The following FAM171A1 variants were observed in gnomAD, a reference collection of about 807,000 sequenced individuals.
The protein encoded by FAM171A1 is family with sequence similarity 171 member A1, also known as protein FAM171A1.
A neutral mutation model predicts 74.9 loss-of-function variants in FAM171A1; 23 were observed. That is an observed-to-expected ratio of 0.31 (90% CI 0.22 to 0.44). FAM171A1 has a LOEUF of 0.44. Among genes scored for constraint, FAM171A1 ranks in the 20% least tolerant of loss-of-function variants. The probability of loss-of-function intolerance (pLI) is 1.00; values close to 1 mark genes in which losing one functional copy is unlikely to be tolerated. For synonymous variants in FAM171A1, 527 were observed against 505.7 expected (o/e 1.04, Z -0.57); for missense variants, 1,162 against 1,159.2 (o/e 1.00, Z -0.03).
intron 1 of FAM171A1, among the ~76,000 whole-genome samples, chr10:15,339,801 TATAAAG>T (rs1331556670): frequency 2.6e-5 from 4 of 151,982 alleles, no homozygotes; most frequent in Non-Finnish European, 5.9e-5. Flanking sequence ...CTGGGTAATT[TATAAAG>T]AAAAAGAGGC....
At chr10:15,230,768 A>C (rs1456452944) in intron 5 of FAM171A1, among the ~76,000 whole-genome samples, 3 of 152,232 alleles carry the variant, frequency 2.0e-5, no homozygotes, top group African/African-American at 7.2e-5. Context: ...CCTTAAATAG[A>C]TAGCTAGACG....
At chr10:15,359,538 A>C (rs11599661) in intron 1 of FAM171A1, among the ~76,000 whole-genome samples, 61,699 of 151,928 alleles carry the variant, frequency 0.41, 12,692 homozygotes, top group Non-Finnish European at 0.46. Context: ...CATCCTCGAC[A>C]TTTTAGCTGG....
intron 5 of FAM171A1, among the ~76,000 whole-genome samples, chr10:15,242,503 T>G (rs574038126): frequency 4.5e-4 from 68 of 152,350 alleles, no homozygotes; most frequent in African/African-American, 1.5e-3. Context: ...AAAGACCATT[T>G]CGGCCGGGCG....
chr10:15,263,058 A>G (rs1209995036), intron 3 of FAM171A1, among the ~76,000 whole-genome samples: 1 of 152,226 alleles, frequency 6.6e-6, no homozygotes, highest in Non-Finnish European at 1.5e-5. Flanking sequence ...GAACAGGAAA[A>G]GGACCATCTG....
intron 1 of FAM171A1, among the ~76,000 whole-genome samples, chr10:15,285,413 T>G (rs1835023845): frequency 1.3e-5 from 2 of 152,150 alleles, no homozygotes; most frequent in Non-Finnish European, 2.9e-5. Context: ...CAAATTTATG[T>G]TACAGAAACA....
chr10:15,254,266 C>T (rs1003795037), intron 4 of FAM171A1, among the ~76,000 whole-genome samples: 11 of 152,152 alleles, frequency 7.2e-5, no homozygotes, highest in Non-Finnish European at 5.9e-5. Context: ...CTCTTCCCCT[C>T]CTGGCTGCAG....
In FAM171A1 at chr10:15,213,629, G is replaced by T. The variant is rs1219388483; in HGVS notation, c.1959C>A (p.Thr653=). The part of the protein sequence containing the change: ...ISQQHLQDAG[T]REWSPQNASM... ...ATGCGTTCTGAGGGCTCCACTCCCG[G>T]GTGCCCGCATCCTGCAGGTGCTGCT... is the stretch of plus-strand genomic sequence containing the variant. The change falls in exon 8 of 8, where the codon ACC becomes ACA. Residue 653 remains threonine (T), a synonymous_variant. Transcript: ENST00000378116. This position sits in a 1 kb window ranked among gnomAD's most constrained non-coding sequence, Gnocchi z 6.8. 1.2e-6 allele frequency: 2 copies of T among 1,614,156 alleles called. No individual in the cohort carries two copies. Among genetic ancestry groups the T allele is most frequent in the Non-Finnish European group, 1.7e-6 (2 of 1,180,022 alleles).
intron 1 of FAM171A1, among the ~76,000 whole-genome samples, chr10:15,360,135 G>T (rs527325915): frequency 3.3e-5 from 5 of 152,266 alleles, no homozygotes; most frequent in Non-Finnish European, 7.3e-5. Flanking sequence ...GTCCTGCTAT[G>T]TTGCACAGGG....
chr10:15,342,317 C>T (rs1053828044), intron 1 of FAM171A1, among the ~76,000 whole-genome samples: 9 of 152,152 alleles, frequency 5.9e-5, no homozygotes, highest in Admixed American at 1.3e-4. Context: ...CGCCTGTAAT[C>T]CCAGCACTTT....
chr10:15,374,507 C>T (rs1341691508), upstream of FAM171A1, among the ~76,000 whole-genome samples: 1 of 152,176 alleles, frequency 6.6e-6, no homozygotes, highest in South Asian at 2.1e-4. Context: ...ATATGATTTA[C>T]CTTTTCTCAT....
At chr10:15,341,634 T>A (rs1455372769) in intron 1 of FAM171A1, among the ~76,000 whole-genome samples, 1 of 152,160 alleles carries the variant, frequency 6.6e-6, no homozygotes. Flanking sequence ...GAAGAAAGTA[T>A]CAGAGAGGGA....
At chr10:15,289,035 T>G (rs983068521) in intron 1 of FAM171A1, among the ~76,000 whole-genome samples, 1 of 152,100 alleles carries the variant, frequency 6.6e-6, no homozygotes, top group African/African-American at 2.4e-5. Context: ...TTGGTCAGGC[T>G]GGTCTCAAAC....
At chr10:15,289,995 C>T (rs889700157) in intron 1 of FAM171A1, among the ~76,000 whole-genome samples, 6 of 152,092 alleles carry the variant, frequency 3.9e-5, no homozygotes, top group South Asian at 4.2e-4. Flanking sequence ...TTTGGGAGGC[C>T]GAGGCGGGCG....
chr10:15,221,356 C>T (rs1036429950), intron 5 of FAM171A1, among the ~76,000 whole-genome samples: 2 of 152,138 alleles, frequency 1.3e-5, no homozygotes, highest in Non-Finnish European at 1.5e-5. Context: ...TTAGCAGAAG[C>T]CTTTGGAACT....
chr10:15,362,225 C>T (rs893532260), intron 1 of FAM171A1, among the ~76,000 whole-genome samples: 20 of 152,184 alleles, frequency 1.3e-4, no homozygotes, highest in African/African-American at 3.1e-4. Flanking sequence ...TTCCCAGTGA[C>T]GATGAAAATC....
intron 3 of FAM171A1, among the ~76,000 whole-genome samples, chr10:15,271,664 T>C (rs1263466158): frequency 6.6e-6 from 1 of 152,154 alleles, no homozygotes; most frequent in Non-Finnish European, 1.5e-5. Context: ...GGGAAGCCCA[T>C]CAGACTAACA....
At chr10:15,261,483 T>A (rs1484446225) in intron 3 of FAM171A1, among the ~76,000 whole-genome samples, 2 of 152,198 alleles carry the variant, frequency 1.3e-5, no homozygotes, top group African/African-American at 4.8e-5. Flanking sequence ...AAAACATCAA[T>A]AACATTCATT....
intron 5 of FAM171A1, among the ~76,000 whole-genome samples, chr10:15,229,658 C>T (rs1474190699): frequency 6.9e-6 from 1 of 145,022 alleles, no homozygotes; most frequent in East Asian, 2.0e-4. Flanking sequence ...CCATCATCAC[C>T]ATTGTCACCC....
At position 15,216,063 on chromosome 10, in the gene FAM171A1, A is replaced by G. The variant is rs779864841; in HGVS notation, c.919T>C (p.Leu307=). Residue 307 remains leucine (L), a synonymous_variant, in exon 7 of 8, where the codon TTG becomes CTG. Transcript: ENST00000378116. ...AAAGCCATTCCTCCTAAAATGGCCAAAAGAAACACCGTGTGATACGTGGTA... is the reference window on the plus strand; with the variant it reads ...AAAGCCATTCCTCCTAAAATGGCCAGAAGAAACACCGTGTGATACGTGGTA... ...DITTYHTVFL[L]AILGGMAFIL... 1.2e-6 allele frequency: 2 copies of G among 1,611,960 alleles called. No individual in the cohort carries two copies. Among genetic ancestry groups the G allele is most frequent in the Non-Finnish European group, 1.7e-6 (2 of 1,179,710 alleles).
Sources: allele counts gnomAD v4.1 joint callset (sites outside exome capture counted in the v4.1 genomes callset), GRCh38; gene constraint gnomAD v4.1.1; non-coding constraint Gnocchi (gnomAD v3.1); transcripts MANE v1.5; gene names NCBI Gene and HGNC (gene_info 2026-07-23, HGNC 2026-07-21).